Variants in MTHFD1L observed in about 807,000 individuals in gnomAD.
MTHFD1L encodes the protein monofunctional C1-tetrahydrofolate synthase, mitochondrial.
MTHFD1L carries 81 observed loss-of-function variants against 119.5 expected under a neutral mutation model. The ratio of observed to expected loss-of-function variants is 0.68; its 90% confidence interval spans 0.57 to 0.82. The LOEUF (loss-of-function observed/expected upper bound fraction) is 0.82, where lower values mean the gene tolerates loss of function less well. MTHFD1L is among the 40% of genes least tolerant of loss of function. The probability of loss-of-function intolerance (pLI) is 0.00; values close to 1 mark genes in which losing one functional copy is unlikely to be tolerated. For synonymous variants in MTHFD1L, 430 were observed against 475.2 expected (o/e 0.90, Z 1.24); for missense variants, 1,125 against 1,253.4 (o/e 0.90, Z 1.55).
chr6:151,092,421 G>T (rs111346946), intron 26 of MTHFD1L, 46 bp from the exon 27 acceptor site: 21 of 1,481,864 alleles, frequency 1.4e-5, no homozygotes, highest in Middle Eastern at 1.7e-4. Context: ...TGTTGTGGCC[G>T]CTTTGTAGCA....
chr6:151,038,690 G>A (rs1584262683), intron 26 of MTHFD1L, among the ~76,000 whole-genome samples: 1 of 152,170 alleles, frequency 6.6e-6, no homozygotes, highest in Non-Finnish European at 1.5e-5. Context: ...GCCCAGAGAG[G>A]TGGGTTAATT....
At chr6:151,082,203 G>T (rs1047660564) in intron 26 of MTHFD1L, among the ~76,000 whole-genome samples, 1 of 152,198 alleles carries the variant, frequency 6.6e-6, no homozygotes, top group East Asian at 1.9e-4. Flanking sequence ...AAAACTCTAG[G>T]TGGGAATATG....
At chr6:150,867,169 T>C (rs1188320102) in intron 1 of MTHFD1L, among the ~76,000 whole-genome samples, 1 of 152,116 alleles carries the variant, frequency 6.6e-6, no homozygotes, top group East Asian at 1.9e-4. Flanking sequence ...TAAGGGGCCA[T>C]TTATTTAGTT....
chr6:151,034,657 T>C, intron 25 of MTHFD1L, 57 bp downstream of exon 25: 2 of 1,087,874 alleles, frequency 1.8e-6, no homozygotes, highest in Non-Finnish European at 2.8e-6. Flanking sequence ...CTCAGAATAC[T>C]CAGCTTGACT....
intron 1 of MTHFD1L, among the ~76,000 whole-genome samples, chr6:150,869,123 C>A (rs1422384221): frequency 6.6e-6 from 1 of 152,126 alleles, no homozygotes; most frequent in Admixed American, 6.5e-5. Context: ...TGCTTTTGCA[C>A]ACTTAATAGA....
At chr6:150,924,556 A>G (rs1050494467) in intron 10 of MTHFD1L, among the ~76,000 whole-genome samples, 2 of 152,100 alleles carry the variant, frequency 1.3e-5, no homozygotes, top group African/African-American at 4.8e-5. Context: ...AGCTCACCTC[A>G]ACCTCCGCCT....
chr6:150,912,004 A>G (rs910974063), intron 8 of MTHFD1L, among the ~76,000 whole-genome samples: 8 of 152,144 alleles, frequency 5.3e-5, no homozygotes, highest in Non-Finnish European at 1.2e-4. Flanking sequence ...GCCAAACCAT[A>G]TCAGAGGAGG....
chr6:151,058,399 T>C (rs768231954), intron 26 of MTHFD1L, among the ~76,000 whole-genome samples: 1 of 152,208 alleles, frequency 6.6e-6, no homozygotes, highest in African/African-American at 2.4e-5. Context: ...GCATTTCTGA[T>C]CTTTCAGAAA....
intron 26 of MTHFD1L, among the ~76,000 whole-genome samples, chr6:151,083,710 A>C (rs17080748): frequency 0.031 from 4,788 of 152,260 alleles, 243 homozygotes; most frequent in African/African-American, 0.11. Flanking sequence ...TTTTGACTAA[A>C]TATGTTACTT....
At chr6:150,956,112 G>C (rs370984036) in intron 17 of MTHFD1L, 41 bp downstream of exon 17, 1 of 1,574,338 alleles carries the variant, frequency 6.4e-7, no homozygotes, top group Admixed American at 1.7e-5. Context: ...CTGTTCTTAC[G>C]TTCATTTCTA....
chr6:151,057,972 T>G (rs760897342), intron 26 of MTHFD1L, among the ~76,000 whole-genome samples: 5 of 152,098 alleles, frequency 3.3e-5, no homozygotes, highest in Non-Finnish European at 1.5e-5. Context: ...AGAGACAGTT[T>G]CACCATATTG....
chr6:151,074,714 A>C (rs1011685629), intron 26 of MTHFD1L, among the ~76,000 whole-genome samples: 9 of 152,192 alleles, frequency 5.9e-5, no homozygotes, highest in African/African-American at 2.2e-4. Context: ...TGCATGTATA[A>C]ATACTTACCA....
chr6:150,902,523 A>T (rs1785233796), intron 7 of MTHFD1L, among the ~76,000 whole-genome samples: 1 of 152,248 alleles, frequency 6.6e-6, no homozygotes, highest in South Asian at 2.1e-4. Context: ...ATTTTAGCTC[A>T]TTAAAATCTT....
At chr6:150,949,399 C>T (rs1442563962) in intron 16 of MTHFD1L, among the ~76,000 whole-genome samples, 1 of 151,796 alleles carries the variant, frequency 6.6e-6, no homozygotes, top group East Asian at 1.9e-4. Flanking sequence ...CTAATTTTCT[C>T]TTCTGTTTCT....
At chr6:150,968,374 C>T (rs1219528627) in intron 19 of MTHFD1L, among the ~76,000 whole-genome samples, 2 of 152,184 alleles carry the variant, frequency 1.3e-5, no homozygotes, top group Non-Finnish European at 2.9e-5. Context: ...TAAAAATACA[C>T]ATTTATTAAT....
At position 151,039,015 on chromosome 6, in the gene MTHFD1L, C is replaced by T. The variant is rs116483025; in HGVS notation, c.2847+1898C>T. Among the ~76,000 whole-genome samples the T allele has an allele frequency of 8.1e-3, 1,226 of 152,228 alleles. 14 individuals carry two copies. The highest frequency in any genetic ancestry group is 0.027 in the African/African-American group (1,131 of 41,530). ...GCTTCAAAGAAAGAGGCAGGAAGGT[C>T]ACCCTGGTGGGTTTAAGGATATGGG... On this transcript the variant is annotated intron_variant, in intron 26 of 27. Transcript: ENST00000367321. This position sits in a 1 kb window ranked among gnomAD's most constrained non-coding sequence, Gnocchi z 4.4.
Position 151,037,030 on chromosome 6 carries a change from A to G in MTHFD1L, c.2760A>G (p.Lys920=), listed in dbSNP as rs1313116333. 6.2e-7 allele frequency: 1 copy of G among 1,611,958 alleles called. No individual in the cohort carries two copies. Reference sequence around the variant, plus strand: ...TTTCTCTATCTCACCAACCTGACAAAAAAGGTGTGCCAAGGGACTTCATCT... The same window carrying G: ...TTTCTCTATCTCACCAACCTGACAAGAAAGGTGTGCCAAGGGACTTCATCT... ...THLSLSHQPD[K]KGVPRDFILP... is the part of the protein sequence containing the mutation. The change falls in exon 26 of 28, where the codon AAA becomes AAG. Residue 920 remains lysine, a synonymous_variant. Transcript: ENST00000367321.
At chr6:151,087,234 G>C (rs1384209993) in intron 26 of MTHFD1L, among the ~76,000 whole-genome samples, 3 of 150,776 alleles carry the variant, frequency 2.0e-5, no homozygotes, top group African/African-American at 7.3e-5. Context: ...GGGCGACAGA[G>C]CCAGAGGCCA....
chr6:150,941,033 G>A (rs1793009341), intron 13 of MTHFD1L, among the ~76,000 whole-genome samples: 1 of 152,202 alleles, frequency 6.6e-6, no homozygotes, highest in Non-Finnish European at 1.5e-5. Context: ...TGTGTGCCAG[G>A]CACAGACAAT....
Sources: gnomAD v4.1 joint callset for allele counts (sites outside exome capture counted in the v4.1 genomes callset) on GRCh38, gnomAD v4.1.1 for gene constraint, Gnocchi (gnomAD v3.1) non-coding constraint, MANE v1.5 for transcripts, NCBI Gene and HGNC (gene_info 2026-07-23, HGNC 2026-07-21) for gene names.